Variants in HSD17B12 observed in about 807,000 individuals in gnomAD.
HSD17B12 encodes very-long-chain 3-oxoacyl-CoA reductase.
HSD17B12 carries 32 observed loss-of-function variants against 39.3 expected under a neutral mutation model. The ratio of observed to expected loss-of-function variants is 0.81; its 90% CI spans 0.61 to 1.09. The LOEUF (loss-of-function observed/expected upper bound fraction) is 1.09, where lower values mean the gene tolerates loss of function less well. HSD17B12 is among the 50% of genes least tolerant of loss of function. The probability of loss-of-function intolerance (pLI) is 0.00; values close to 1 mark genes in which losing one functional copy is unlikely to be tolerated. For missense variants in HSD17B12, 342 were observed against 382.9 expected (o/e 0.89, Z 0.89); for synonymous variants, 150 against 146.7 (o/e 1.02, Z -0.16).
chr11:43,814,011 A>C (rs1951097828), intron 4 of HSD17B12, among the ~76,000 whole-genome samples: 1 of 152,196 alleles, frequency 6.6e-6, no homozygotes, highest in Non-Finnish European at 1.5e-5. Context: ...TATTATTACT[A>C]ATATCAGGTT....
At chr11:43,619,185 T>TATATATATATGATATATATATATATAAA in the HSD17B12 span, among the ~76,000 whole-genome samples, 2 of 50,990 alleles carry the variant, frequency 3.9e-5, no homozygotes, top group African/African-American at 6.1e-5. Flanking sequence ...ATATATAAAA[T>TATATATATATGATATATATATATATAAA]ATATATATAT....
chr11:43,753,988 C>T (rs573275634), intron 2 of HSD17B12, 58 bp from the exon 3 acceptor site: 77 of 1,105,112 alleles, frequency 7.0e-5, no homozygotes, highest in Non-Finnish European at 1.0e-4. Context: ...GGTTATAGCT[C>T]ATTAATGTTT....
chr11:43,607,417 C>A, the HSD17B12 span, among the ~76,000 whole-genome samples: 1 of 152,136 alleles, frequency 6.6e-6, no homozygotes, highest in Admixed American at 6.6e-5. Context: ...CAAGCACTTA[C>A]TTTACTCATA....
chr11:43,748,962 T>A (rs914040169), intron 1 of HSD17B12, among the ~76,000 whole-genome samples: 7 of 152,196 alleles, frequency 4.6e-5, no homozygotes, highest in Admixed American at 3.3e-4. Flanking sequence ...AACTCTAATA[T>A]GACCATTTTG....
chr11:43,687,755 T>G (rs971533192), intron 1 of HSD17B12, among the ~76,000 whole-genome samples: 1 of 152,176 alleles, frequency 6.6e-6, no homozygotes, highest in Non-Finnish European at 1.5e-5. Flanking sequence ...GTTGAGGTGA[T>G]TTTAAGCAGA....
chr11:43,712,704 T>C (rs1314891160), intron 1 of HSD17B12, among the ~76,000 whole-genome samples: 1 of 152,114 alleles, frequency 6.6e-6, no homozygotes, highest in Non-Finnish European at 1.5e-5. Flanking sequence ...CTTCTGAGGC[T>C]GTGTCATGGG....
chr11:43,838,500 C>A, intron 8 of HSD17B12, 102 bp downstream of exon 8: 1 of 859,694 alleles, frequency 1.2e-6, no homozygotes. Flanking sequence ...CTGTTCTTGG[C>A]AGTTTTCCAG....
At chr11:43,816,318 T>C (rs1159581864) in intron 5 of HSD17B12, 29 bp from the exon 6 acceptor site, 1 of 1,442,950 alleles carries the variant, frequency 6.9e-7, no homozygotes, top group Non-Finnish European at 9.4e-7. Context: ...TGATCAAGTG[T>C]ATATAAAATT....
intron 3 of HSD17B12, among the ~76,000 whole-genome samples, chr11:43,765,073 T>C (rs760130590): frequency 2.0e-5 from 3 of 152,116 alleles, no homozygotes; most frequent in Non-Finnish European, 2.9e-5. Context: ...TCTTTTTTTC[T>C]TTCTTTTAAA....
intron 3 of HSD17B12, among the ~76,000 whole-genome samples, chr11:43,757,887 A>T (rs893537412): frequency 6.6e-6 from 1 of 151,968 alleles, no homozygotes; most frequent in Admixed American, 6.6e-5. Context: ...ATATAACAGC[A>T]CTCCAGTAAC....
chr11:43,803,307 A>G (rs1267024065), intron 4 of HSD17B12, among the ~76,000 whole-genome samples: 1 of 152,162 alleles, frequency 6.6e-6, no homozygotes, highest in Admixed American at 6.5e-5. Context: ...TCTCTCCCGC[A>G]TCCCCATCCA....
At chr11:43,575,557 G>A in the HSD17B12 span, among the ~76,000 whole-genome samples, 2 of 152,238 alleles carry the variant, frequency 1.3e-5, no homozygotes, top group African/African-American at 4.8e-5. This position sits in a 1 kb window ranked among gnomAD's most constrained non-coding sequence, Gnocchi z 4.1. Context: ...CGCTTGCCCG[G>A]TGCAGACTAG....
chr11:43,618,623 G>T, the HSD17B12 span, among the ~76,000 whole-genome samples: 1 of 152,090 alleles, frequency 6.6e-6, no homozygotes, highest in Non-Finnish European at 1.5e-5. Flanking sequence ...TTAAATATTG[G>T]CTCAGTTTCC....
chr11:43,750,855 G>T, intron 1 of HSD17B12, 56 bp from the exon 2 acceptor site: 2 of 1,302,814 alleles, frequency 1.5e-6, no homozygotes, highest in South Asian at 1.3e-5. Flanking sequence ...TCCTAACTAT[G>T]ACCAATTCCT....
intron 1 of HSD17B12, among the ~76,000 whole-genome samples, chr11:43,744,173 A>G (rs1950393476): frequency 6.6e-6 from 1 of 152,200 alleles, no homozygotes; most frequent in Admixed American, 6.5e-5. Flanking sequence ...GATTCTAGGA[A>G]GAGAAAAATG....
the HSD17B12 span, among the ~76,000 whole-genome samples, chr11:43,648,688 T>G: frequency 6.6e-6 from 1 of 152,224 alleles, no homozygotes; most frequent in African/African-American, 2.4e-5. Flanking sequence ...CTTGTTTTCT[T>G]AACTCAGAAA....
chr11:43,822,617 A>G (rs1349505422), intron 6 of HSD17B12, among the ~76,000 whole-genome samples: 1 of 152,138 alleles, frequency 6.6e-6, no homozygotes, highest in Admixed American at 6.5e-5. Context: ...TTTGCTGAGA[A>G]TGATGGTTTC....
At chr11:43,651,872 T>G in the HSD17B12 span, among the ~76,000 whole-genome samples, 1 of 152,302 alleles carries the variant, frequency 6.6e-6, no homozygotes, top group Admixed American at 6.5e-5. Flanking sequence ...GCTACTGTGC[T>G]CAGCCACAAA....
intron 3 of HSD17B12, among the ~76,000 whole-genome samples, chr11:43,771,109 C>G (rs985821985): frequency 2.0e-5 from 3 of 152,168 alleles, no homozygotes; most frequent in Non-Finnish European, 4.4e-5. Context: ...CCAGAGGGAG[C>G]CACTATCTTA....
Sources: gnomAD v4.1 joint callset for allele counts (sites outside exome capture counted in the v4.1 genomes callset) on GRCh38, gnomAD v4.1.1 for gene constraint, Gnocchi (gnomAD v3.1) non-coding constraint, MANE v1.5 for transcripts, NCBI Gene and HGNC (gene_info 2026-07-23, HGNC 2026-07-21) for gene names.